KLHL15: variants seen among roughly 807,000 people sequenced by gnomAD.
The protein encoded by KLHL15 is kelch-like protein 15.
KLHL15 carries 1 observed loss-of-function variant against 29.3 expected under a neutral mutation model. That is an observed-to-expected ratio of 0.03 (90% CI 0.01 to 0.16). KLHL15 has a LOEUF of 0.16. Among genes scored for constraint, KLHL15 ranks in the 10% least tolerant of loss-of-function variants. KLHL15 has a pLI of 1.00. For missense variants in KLHL15, 215 were observed against 478.5 expected, an observed-to-expected ratio of 0.45 and a Z score of 5.14; for synonymous variants, 212 against 184.5, an observed-to-expected ratio of 1.15 and a Z score of -1.21.
rs769194076 is a variant in KLHL15, at chrX:24,006,229, G to A, written c.465C>T (p.Asp155=). 2 of 1,211,284 alleles carry A rather than the reference G, an allele frequency of 1.7e-6. No individual in the cohort carries two copies. Among genetic ancestry groups the A allele is most frequent in the East Asian group, 3.0e-5 (1 of 33,845 alleles). Residue 155 remains aspartate, a synonymous_variant, in exon 3 of 4, where the codon GAC becomes GAT. Coordinates refer to ENST00000328046, the MANE Select transcript of KLHL15 (RefSeq NM_030624.3). ...GCACAAAGTTGTCTAGCAGAAAGGT[G>A]TCTAACTTCTCCCTGACTCCCTCGA... The part of the protein sequence containing the change: ...VNIEGVREKL[D]TFLLDNFVPL...
intron 1 of KLHL15, among the ~76,000 whole-genome samples, chrX:24,025,854 G>C: frequency 9.1e-6 from 1 of 109,826 alleles, no homozygotes; most frequent in African/African-American, 3.3e-5. Context: ...TGGGCCCGAC[G>C]CAGCTTCCCC....
chrX:24,013,828 C>T (rs1411462695), intron 2 of KLHL15, among the ~76,000 whole-genome samples: 1 of 109,513 alleles, frequency 9.1e-6, no homozygotes, highest in African/African-American at 3.3e-5. Flanking sequence ...AGCAACATAG[C>T]GAGTCCCCAT....
chrX:24,009,686 C>T (rs753383060), intron 2 of KLHL15, among the ~76,000 whole-genome samples: 3 of 34,226 alleles, frequency 8.8e-5, no homozygotes, highest in East Asian at 9.5e-4. Context: ...GTTCCATTTT[C>T]AAAAAAAAAA....
intron 3 of KLHL15, among the ~76,000 whole-genome samples, chrX:23,995,909 G>C (rs185807062): frequency 8.1e-4 from 90 of 110,479 alleles, no homozygotes; most frequent in African/African-American, 2.8e-3. Context: ...CACCATGCCC[G>C]GCTAATTTTT....
In KLHL15 at chrX:24,010,960, C is replaced by G. The variant is rs539556209; in HGVS notation, c.-7-4260G>C. On this transcript the variant is annotated intron_variant, in intron 2 of 3. Transcript: ENST00000328046. ...TGCCATTTGGGAATCCCTCTGTACT[C>G]TGGGTTTGGCTGAGCCCTCAGTTGC... 1.0e-3 allele frequency among the ~76,000 whole-genome samples: 111 copies of G among 110,502 alleles called. No individual in the cohort carries two copies. In the Middle Eastern group the frequency reaches 0.023, roughly 23 times the overall value.
Position 24,026,621 on chromosome X carries a change from T to C in KLHL15, c.-210+519A>G, listed in dbSNP as rs189535763. Among the ~76,000 whole-genome samples, 9 of 99,151 alleles carry C rather than the reference T, an allele frequency of 9.1e-5. No individual in the cohort carries two copies. In the East Asian group the frequency reaches 3.2e-3, roughly 35 times the overall value. The allele number at this position is 99,151 out of a possible 115,157, so 86.1% of individuals were successfully genotyped here. On this transcript the variant is annotated intron_variant, in intron 1 of 3. Transcript: ENST00000328046. The stretch of plus-strand genomic sequence containing the variant: ...TCTAGACCAATATCCCGATGAACTT[T>C]CCGTGAGAGGTGTCGCTAAAAGCGA...
intron 3 of KLHL15, among the ~76,000 whole-genome samples, chrX:24,000,334 G>A (rs895479744): frequency 5.4e-5 from 6 of 110,628 alleles, no homozygotes; most frequent in Non-Finnish European, 7.6e-5. Context: ...TTAGCTGGGC[G>A]TGGTGGTGCG....
At chrX:24,004,937 G>C (rs1286362546) in intron 3 of KLHL15, among the ~76,000 whole-genome samples, 5 of 111,378 alleles carry the variant, frequency 4.5e-5, no homozygotes, top group Non-Finnish European at 7.5e-5. Context: ...AAATATGTCA[G>C]GCTGCTGTTA....
intron 3 of KLHL15, among the ~76,000 whole-genome samples, chrX:23,990,852 C>T (rs1409606369): frequency 9.1e-6 from 1 of 110,254 alleles, no homozygotes; most frequent in Admixed American, 9.8e-5. Flanking sequence ...TGCCTTAGTC[C>T]AAAACAGTGG....
chrX:24,026,098 A>G (rs1372316627), intron 1 of KLHL15, among the ~76,000 whole-genome samples: 2 of 112,264 alleles, frequency 1.8e-5, no homozygotes, highest in Non-Finnish European at 3.8e-5. Context: ...AAAAGTGACT[A>G]GATCTGCGCC....
rs777033279 is a variant in KLHL15 at position 24,006,049 on chromosome X, G to A, written c.645C>T (p.Thr215=). The A allele has an allele frequency of 4.1e-6, 5 of 1,209,258 alleles. No homozygotes were observed. In the Admixed American group the frequency reaches 6.6e-5, roughly 16 times the overall value. The change falls in exon 3 of 4, where the codon ACC becomes ACT. Residue 215 remains threonine, a synonymous_variant. Transcript: ENST00000328046. ...LRHDRRRWRH[T]DTIIQNIRFC... is the part of the protein sequence containing the mutation. ...ACCGGATATTCTGAATGATGGTATC[G>A]GTATGTCTCCAGCGTCTTCTATCAT...
At chrX:23,993,715 CTG>C (rs1929129542) in intron 3 of KLHL15, among the ~76,000 whole-genome samples, 1 of 109,707 alleles carries the variant, frequency 9.1e-6, no homozygotes, top group East Asian at 2.8e-4. Context: ...AGGAACAAAA[CTG>C]TAAACTAAAT....
intron 3 of KLHL15, among the ~76,000 whole-genome samples, chrX:23,990,439 T>C (rs1929059361): frequency 9.0e-6 from 1 of 111,105 alleles, no homozygotes; most frequent in Non-Finnish European, 1.9e-5. Context: ...AGCAGAAAAA[T>C]CCTTTGTCAT....
At chrX:24,003,321 G>A (rs969201255) in intron 3 of KLHL15, among the ~76,000 whole-genome samples, 4 of 109,573 alleles carry the variant, frequency 3.7e-5, no homozygotes, top group East Asian at 2.9e-4. Context: ...CGAGGCAGGC[G>A]GATCACGAGG....
At chrX:24,017,344 T>A (rs892943833) in intron 2 of KLHL15, among the ~76,000 whole-genome samples, 1 of 111,421 alleles carries the variant, frequency 9.0e-6, no homozygotes, top group Non-Finnish European at 1.9e-5. Context: ...CTATCTTGGT[T>A]TCCATCCATA....
intron 1 of KLHL15, among the ~76,000 whole-genome samples, chrX:24,026,520 CATCCATTGCCCATAGCAG>C (rs1161143380): frequency 9.0e-6 from 1 of 111,348 alleles, no homozygotes; most frequent in Non-Finnish European, 1.9e-5. Context: ...TAAATTAGGG[CATCCATTGCCCATAGCAG>C]ATCCTAAACT....
At chrX:24,017,973 C>T (rs1369641905) in intron 2 of KLHL15, among the ~76,000 whole-genome samples, 1 of 109,202 alleles carries the variant, frequency 9.2e-6, no homozygotes. Flanking sequence ...AGCTTGGTGG[C>T]GTGCTCCTGT....
intron 2 of KLHL15, among the ~76,000 whole-genome samples, chrX:24,013,470 G>C (rs1339925382): frequency 9.1e-6 from 1 of 109,669 alleles, no homozygotes; most frequent in Non-Finnish European, 1.9e-5. Context: ...TCGTCATGTT[G>C]GCCAGCTGGT....
chrX:24,003,605 A>G (rs1929379627), intron 3 of KLHL15, among the ~76,000 whole-genome samples: 1 of 107,928 alleles, frequency 9.3e-6, no homozygotes, highest in African/African-American at 3.4e-5. Flanking sequence ...TGCTACCTAT[A>G]TGTACGGTAA....
Sources: allele counts gnomAD v4.1 joint callset (sites outside exome capture counted in the v4.1 genomes callset), GRCh38; gene constraint gnomAD v4.1.1; transcripts MANE v1.5; gene names NCBI Gene and HGNC (gene_info 2026-07-23, HGNC 2026-07-21).